Variants in DCC observed in about 807,000 individuals in gnomAD.
The protein encoded by DCC is DCC netrin 1 receptor.
In DCC, 58 loss-of-function variants were observed where a neutral mutation model predicts 172.5. The ratio of observed to expected loss-of-function variants is 0.34; its 90% CI spans 0.27 to 0.42. DCC has a LOEUF of 0.42. Ranked by LOEUF, DCC falls within the 10% of genes least tolerant of loss-of-function variation. The probability of loss-of-function intolerance (pLI) is 1.00; values close to 1 mark genes in which losing one functional copy is unlikely to be tolerated. For synonymous variants in DCC, 709 were observed against 644.5 expected (o/e 1.10, Z -1.52); for missense variants, 1,740 against 1,791.0 (o/e 0.97, Z 0.51).
chr18:52,836,682 G>A (rs996201162), intron 2 of DCC, among the ~76,000 whole-genome samples: 6 of 152,192 alleles, frequency 3.9e-5, no homozygotes, highest in Non-Finnish European at 8.8e-5. Flanking sequence ...GGCTTTGCAG[G>A]GCACAGCCCC....
At position 52,614,551 on chromosome 18, in the gene DCC, C is replaced by T. The variant is rs77470753; in HGVS notation, c.92-137503C>T. ...CTACACCAACGATTTGTCTAAGATA[C>T]GCATTTTATCATGCACCTTGAGGAT... On this transcript the variant is annotated intron_variant, in intron 1 of 28. Transcript: ENST00000442544. Among the ~76,000 whole-genome samples the T allele has an allele frequency of 2.3e-3, 348 of 152,232 alleles. 4 individuals carry two copies. Among genetic ancestry groups the T allele is most frequent in the African/African-American group, 7.2e-3 (299 of 41,536 alleles).
chr18:53,335,064 CTT>C (rs987314454), intron 14 of DCC, among the ~76,000 whole-genome samples: 44 of 152,136 alleles, frequency 2.9e-4, no homozygotes, highest in Non-Finnish European at 1.0e-4. Context: ...GGCTGACTCT[CTT>C]TTTATCTTTT....
At chr18:52,365,383 CAAGT>C (rs1984800745) in intron 1 of DCC, among the ~76,000 whole-genome samples, 1 of 152,142 alleles carries the variant, frequency 6.6e-6, no homozygotes, top group East Asian at 1.9e-4. Context: ...AAAAGATAAA[CAAGT>C]AACACATGAT....
At chr18:52,804,353 G>A (rs1319299384) in intron 2 of DCC, among the ~76,000 whole-genome samples, 1 of 152,126 alleles carries the variant, frequency 6.6e-6, no homozygotes, top group African/African-American at 2.4e-5. Flanking sequence ...AAAGGTCCAT[G>A]ATTTAAAGCC....
rs554398971 is a variant in DCC at position 53,300,495 on chromosome 18, G to A, written c.1912-5083G>A. On this transcript the variant is annotated intron_variant, in intron 12 of 28. Transcript: ENST00000442544. ...GAAGCACTGTCCAGTGTTCCTAAGA[G>A]CAAGAAGGCTGCGATCTGCCTTATT... Among the ~76,000 whole-genome samples the A allele has an allele frequency of 2.0e-5, 3 of 152,230 alleles. No individual in the cohort carries two copies. In the East Asian group the frequency reaches 5.8e-4, roughly 29 times the overall value.
chr18:53,314,915 T>A (rs2057325934), intron 13 of DCC, among the ~76,000 whole-genome samples: 1 of 152,142 alleles, frequency 6.6e-6, no homozygotes, highest in Admixed American at 6.6e-5. Context: ...CCAGGTGAGA[T>A]CCCTTTGGGG....
intron 2 of DCC, among the ~76,000 whole-genome samples, chr18:52,806,589 A>C (rs139106942): frequency 5.1e-4 from 78 of 152,310 alleles, no homozygotes; most frequent in African/African-American, 1.8e-3. Flanking sequence ...TTCACAGATA[A>C]AGGGCATCTT....
chr18:52,859,898 A>G (rs2039112901), intron 2 of DCC, among the ~76,000 whole-genome samples: 1 of 152,240 alleles, frequency 6.6e-6, no homozygotes, highest in Non-Finnish European at 1.5e-5. Context: ...TTCTTAGATT[A>G]GATAGGCAAA....
chr18:52,823,207 A>C (rs1480399911), intron 2 of DCC, among the ~76,000 whole-genome samples: 1 of 152,046 alleles, frequency 6.6e-6, no homozygotes, highest in Non-Finnish European at 1.5e-5. Context: ...TGTGGCTCAC[A>C]CCTATAAACC....
chr18:52,796,288 T>G (rs1433649435), intron 2 of DCC, among the ~76,000 whole-genome samples: 1 of 152,072 alleles, frequency 6.6e-6, no homozygotes, highest in Admixed American at 6.5e-5. Flanking sequence ...TTTGTTAGTT[T>G]TCTGGGTGTT....
At chr18:53,119,729 A>G (rs1419889726) in intron 7 of DCC, among the ~76,000 whole-genome samples, 3 of 151,712 alleles carry the variant, frequency 2.0e-5, no homozygotes, top group Non-Finnish European at 4.4e-5. Flanking sequence ...TGATTATCAC[A>G]TTGTTGTAGT....
intron 1 of DCC, among the ~76,000 whole-genome samples, chr18:52,615,314 C>G (rs2034359387): frequency 6.6e-6 from 1 of 152,146 alleles, no homozygotes; most frequent in Non-Finnish European, 1.5e-5. Context: ...CCTTTGAGTG[C>G]TCTGCTCATT....
chr18:52,661,113 A>T (rs938698651), intron 1 of DCC, among the ~76,000 whole-genome samples: 4 of 152,234 alleles, frequency 2.6e-5, no homozygotes, highest in Admixed American at 6.5e-5. Flanking sequence ...ATGGATAAAT[A>T]GTAACTGAAT....
chr18:53,457,604 C>G (rs936067505), intron 23 of DCC, among the ~76,000 whole-genome samples: 6 of 152,036 alleles, frequency 3.9e-5, no homozygotes, highest in Non-Finnish European at 8.8e-5. Context: ...ATGAAGTTAC[C>G]AGGAGTAGAT....
chr18:53,177,903 C>A (rs1391552948), intron 8 of DCC, among the ~76,000 whole-genome samples: 1 of 152,024 alleles, frequency 6.6e-6, no homozygotes, highest in Non-Finnish European at 1.5e-5. Context: ...ATCATTCATG[C>A]ACTTAGAACT....
chr18:52,833,127 A>G (rs2038646686), intron 2 of DCC, among the ~76,000 whole-genome samples: 1 of 152,118 alleles, frequency 6.6e-6, no homozygotes, highest in Non-Finnish European at 1.5e-5. Context: ...TTACACTGAA[A>G]CAAAACTCAC....
intron 27 of DCC, among the ~76,000 whole-genome samples, chr18:53,512,749 G>C (rs2144543527): frequency 6.7e-6 from 1 of 148,478 alleles, no homozygotes; most frequent in East Asian, 2.0e-4. Flanking sequence ...AGCAAGAAGG[G>C]AAGTTTAGAG....
At chr18:52,901,209 G>A (rs964432426) in intron 2 of DCC, among the ~76,000 whole-genome samples, 1 of 152,072 alleles carries the variant, frequency 6.6e-6, no homozygotes, top group Non-Finnish European at 1.5e-5. Flanking sequence ...AAGGCAGGTG[G>A]ATCATTTGAA....
chr18:52,531,777 G>T (rs1324742162), intron 1 of DCC, among the ~76,000 whole-genome samples: 2 of 151,758 alleles, frequency 1.3e-5, no homozygotes, highest in Non-Finnish European at 2.9e-5. Flanking sequence ...CTGCTTCATT[G>T]TTACCTATTG....
Sources: gnomAD v4.1 joint callset for allele counts (sites outside exome capture counted in the v4.1 genomes callset) on GRCh38, gnomAD v4.1.1 for gene constraint, MANE v1.5 for transcripts, NCBI Gene and HGNC (gene_info 2026-07-23, HGNC 2026-07-21) for gene names.